The following CNTNAP3B variants were observed in gnomAD, a reference collection of about 807,000 sequenced individuals.
CNTNAP3B encodes contactin-associated protein-like 3B.
In CNTNAP3B, 25 loss-of-function variants were observed where a neutral mutation model predicts 108.9. The ratio of observed to expected loss-of-function variants is 0.23; its 90% CI spans 0.17 to 0.32. The LOEUF is 0.32. CNTNAP3B is among the 10% of genes least tolerant of loss of function. The pLI is 1.00. For missense variants in CNTNAP3B, 252 were observed against 1,210.4 expected, an observed-to-expected ratio of 0.21 and a Z score of 11.75; for synonymous variants, 103 against 473.4, an observed-to-expected ratio of 0.22 and a Z score of 10.16.
chr9:41,964,500 A>C (rs1247194201), intron 11 of CNTNAP3B, 38 bp downstream of exon 11: 2 of 1,454,096 alleles, frequency 1.4e-6, no homozygotes, highest in Non-Finnish European at 9.1e-7. Flanking sequence ...AATGACAAAG[A>C]GATGCTGACA....
chr9:42,117,701 C>T (rs1165190749), intron 1 of CNTNAP3B, among the ~76,000 whole-genome samples: 3 of 134,640 alleles, frequency 2.2e-5, no homozygotes, highest in South Asian at 4.9e-4. Context: ...GAAATAGAGA[C>T]ACAAAAAAAC....
At chr9:41,925,950 A>G (rs1460435160) in intron 15 of CNTNAP3B, among the ~76,000 whole-genome samples, 501 of 152,168 alleles carry the variant, frequency 3.3e-3, no homozygotes, top group Non-Finnish European at 5.5e-3. Flanking sequence ...TCTGCAGGCT[A>G]TTTACTAGGG....
At chr9:41,964,192 A>T in intron 11 of CNTNAP3B, among the ~76,000 whole-genome samples, 1 of 152,406 alleles carries the variant, frequency 6.6e-6, no homozygotes, top group East Asian at 1.9e-4. Flanking sequence ...AGATTCTCAG[A>T]ATTAAAATTA....
chr9:42,016,745 C>A (rs1367230324), intron 3 of CNTNAP3B, among the ~76,000 whole-genome samples: 1 of 151,816 alleles, frequency 6.6e-6, no homozygotes, highest in Non-Finnish European at 1.5e-5. Context: ...CCTTCAAATT[C>A]TTTTCTGTCT....
intron 12 of CNTNAP3B, among the ~76,000 whole-genome samples, chr9:41,955,885 G>T (rs1340119342): frequency 6.6e-6 from 1 of 152,252 alleles, no homozygotes; most frequent in Admixed American, 6.5e-5. Context: ...GTTGCATCTG[G>T]ATGAACTTAT....
In CNTNAP3B at chr9:42,115,946, C is replaced by T. The variant is rs1293816030; in HGVS notation, c.86-11207G>A. Among the ~76,000 whole-genome samples the T allele has an allele frequency of 2.3e-5, 3 of 132,822 alleles. 1 individual carries two copies. The highest frequency in any genetic ancestry group is 9.2e-5 in the African/African-American group (3 of 32,584). The allele number at this position is 132,822 out of a possible 152,430, so 87.1% of individuals were successfully genotyped here. A position where few individuals can be genotyped will look rare whatever the true frequency, so the allele number is the denominator to read the frequency against. ...CGAGCTAAAGGAGGATGTTCGAACC[C>T]GTCGCAAAGAAGCTAAAAACCTTGA... On this transcript the variant is annotated intron_variant, in intron 1 of 23. Transcript: ENST00000377561.
chr9:41,922,546 G>T, intron 17 of CNTNAP3B, 131 bp downstream of exon 17: 2 of 1,129,024 alleles, frequency 1.8e-6, no homozygotes, highest in Non-Finnish European at 2.6e-6. Flanking sequence ...GAACCTACCA[G>T]GTTATCAGCA....
rs1293082378 is a variant in CNTNAP3B at position 42,121,476 on chromosome 9, A to T, written c.85+7534T>A. Among the ~76,000 whole-genome samples, 2 of 138,430 alleles carry T rather than the reference A, an allele frequency of 1.4e-5. 1 individual carries two copies. Among genetic ancestry groups the T allele is most frequent in the African/African-American group, 5.8e-5 (2 of 34,762 alleles). 90.8% of individuals were successfully genotyped at this position (138,430 alleles called of 152,430 possible). ...TAGGAAAATCAAAGGGATGAATGTCACATGGCATAAAGAAGGAGGTAGAGG... is the reference window on the plus strand; with the variant it reads ...TAGGAAAATCAAAGGGATGAATGTCTCATGGCATAAAGAAGGAGGTAGAGG... On this transcript the variant is annotated intron_variant, in intron 1 of 23. Transcript: ENST00000377561.
chr9:41,959,951 C>G (rs1320317157), intron 12 of CNTNAP3B: 1 of 151,226 alleles, frequency 6.6e-6, no homozygotes, highest in African/African-American at 2.4e-5. Flanking sequence ...AAAAGGCGTT[C>G]TAGTGCAATC....
At chr9:41,995,846 G>A (rs1397007043) in intron 7 of CNTNAP3B, among the ~76,000 whole-genome samples, 2 of 140,028 alleles carry the variant, frequency 1.4e-5, no homozygotes, top group Non-Finnish European at 3.1e-5. Context: ...GACTAGCCTG[G>A]CCAACATGGC....
At chr9:41,954,136 G>T (rs2118156819) in intron 12 of CNTNAP3B, among the ~76,000 whole-genome samples, 2 of 152,340 alleles carry the variant, frequency 1.3e-5, no homozygotes, top group East Asian at 1.9e-4. Flanking sequence ...CTACTATGCT[G>T]GTGCTGTCTG....
chr9:42,111,406 A>G (rs1828190170), intron 1 of CNTNAP3B, among the ~76,000 whole-genome samples: 1 of 139,366 alleles, frequency 7.2e-6, no homozygotes, highest in Admixed American at 7.2e-5. Flanking sequence ...AAATAAAGGC[A>G]TAGTATCTGT....
chr9:41,930,725 C>T (rs927546445), intron 14 of CNTNAP3B, among the ~76,000 whole-genome samples: 17 of 152,410 alleles, frequency 1.1e-4, no homozygotes, highest in South Asian at 4.1e-4. Context: ...TAAATGCACA[C>T]GTCTGTGTCC....
chr9:42,024,669 C>CAAAAAAAAAAAAA, intron 3 of CNTNAP3B, among the ~76,000 whole-genome samples: 1 of 84,994 alleles, frequency 1.2e-5, no homozygotes, highest in Non-Finnish European at 2.3e-5. Flanking sequence ...CCAGGGTTCA[C>CAAAAAAAAAAAAA]AAAAAAAAAA....
chr9:41,956,543 C>T (rs1382119748), intron 12 of CNTNAP3B, among the ~76,000 whole-genome samples: 1 of 151,984 alleles, frequency 6.6e-6, no homozygotes, highest in African/African-American at 2.4e-5. Context: ...AAATCCCCAG[C>T]ATCTGGTATA....
At chr9:42,089,800 A>G (rs938505341) in intron 2 of CNTNAP3B, among the ~76,000 whole-genome samples, 2 of 142,230 alleles carry the variant, frequency 1.4e-5, no homozygotes, top group African/African-American at 5.5e-5. Flanking sequence ...AGTTTATCAC[A>G]CAGGTTTCTA....
intron 13 of CNTNAP3B, among the ~76,000 whole-genome samples, chr9:41,944,287 C>A (rs1185581419): frequency 6.8e-6 from 1 of 148,088 alleles, no homozygotes; most frequent in Non-Finnish European, 1.5e-5. Context: ...AAAATAAAAT[C>A]TAGTGTCTTC....
In CNTNAP3B at chr9:42,097,585, C is replaced by A. The variant is rs542071157; in HGVS notation, c.196+7044G>T. Among the ~76,000 whole-genome samples, 4 of 139,906 alleles carry A rather than the reference C, an allele frequency of 2.9e-5. 2 individuals carry two copies. Among genetic ancestry groups the A allele is most frequent in the African/African-American group, 1.1e-4 (4 of 35,412 alleles). 91.8% of individuals were successfully genotyped at this position (139,906 alleles called of 152,430 possible). A position where few individuals can be genotyped will look rare whatever the true frequency, so the allele number is the denominator to read the frequency against. On this transcript the variant is annotated intron_variant, in intron 2 of 23. Coordinates refer to ENST00000377561, the MANE Select transcript of CNTNAP3B (RefSeq NM_001201380.3). ...AAGTACAAATCTAAAAAAATAATTA[C>A]GTACTTCAAAAACTAAAAATGCATT...
At chr9:42,060,198 C>T (rs1827150907) in intron 3 of CNTNAP3B, among the ~76,000 whole-genome samples, 1 of 138,062 alleles carries the variant, frequency 7.2e-6, no homozygotes, top group South Asian at 2.4e-4. Context: ...CTATATTGTC[C>T]TCTTTACAAC....
Sources: gnomAD v4.1 joint callset for allele counts (sites outside exome capture counted in the v4.1 genomes callset) on GRCh38, gnomAD v4.1.1 for gene constraint, MANE v1.5 for transcripts, NCBI Gene and HGNC (gene_info 2026-07-23, HGNC 2026-07-21) for gene names.